The following ARPP19 variants were observed in gnomAD, a reference collection of about 807,000 sequenced individuals.
The protein encoded by ARPP19 is cAMP regulated phosphoprotein 19.
ARPP19 carries 8 observed loss-of-function variants against 12.0 expected under a neutral mutation model. The ratio of observed to expected loss-of-function variants is 0.67; its 90% CI spans 0.39 to 1.21. ARPP19 has a LOEUF of 1.21. Among genes scored for constraint, ARPP19 ranks in the 50% most tolerant of loss-of-function variants. The probability of loss-of-function intolerance (pLI) is 0.01; values close to 1 mark genes in which losing one functional copy is unlikely to be tolerated. For missense variants in ARPP19, 102 were observed against 136.3 expected (o/e 0.75, Z 1.25); for synonymous variants, 47 against 50.4 (o/e 0.93, Z 0.29).
chr15:52,558,482 A>AAAAAAAAAAAAAAAAAAAAAAAG (rs559673591), intron 1 of ARPP19, among the ~76,000 whole-genome samples: 1 of 148,976 alleles, frequency 6.7e-6, no homozygotes, highest in African/African-American at 2.5e-5. Context: ...AAAAAAAAAA[A>AAAAAAAAAAAAAAAAAAAAAAAG]AAAGAAAGAA....
intron 2 of ARPP19, among the ~76,000 whole-genome samples, chr15:52,554,352 A>T (rs2077962677): frequency 1.3e-5 from 2 of 152,188 alleles, no homozygotes; most frequent in South Asian, 4.1e-4. Flanking sequence ...AATTGCCCTA[A>T]AAAGGAAAAG....
intron 2 of ARPP19, among the ~76,000 whole-genome samples, chr15:52,553,774 T>C (rs1323840271): frequency 6.6e-6 from 1 of 152,184 alleles, no homozygotes; most frequent in African/African-American, 2.4e-5. Flanking sequence ...TAAAACAAAA[T>C]AGCTAGGAAC....
chr15:52,565,735 T>C (rs749579213), intron 1 of ARPP19, among the ~76,000 whole-genome samples: 1 of 152,264 alleles, frequency 6.6e-6, no homozygotes, highest in Non-Finnish European at 1.5e-5. Context: ...AAAAACTCCC[T>C]CAACTTTTAA....
At chr15:52,556,903 A>G in intron 2 of ARPP19, 197 bp downstream of exon 2, 2 of 478,290 alleles carry the variant, frequency 4.2e-6, no homozygotes, top group Non-Finnish European at 7.3e-6. Flanking sequence ...ATTATTAAAA[A>G]TGCTGAAGAG....
chr15:52,550,647 A>C lies in ARPP19; in HGVS notation c.*1287T>G, dbSNP rs2077921291. On this transcript the variant is annotated 3_prime_UTR_variant, in exon 3 of 3. Transcript: ENST00000249822. ...AAAAAGAGAAAGAAGTTAACAACTG[A>C]GAAATTAGAAGGAAAACGCCATTAT... 1 of 152,238 alleles carries C rather than the reference A, an allele frequency of 6.6e-6. No homozygotes were observed. Among genetic ancestry groups the C allele is most frequent in the African/African-American group, 2.4e-5 (1 of 41,428 alleles). The allele number at this position is 152,238 out of a possible 1,614,324, so 9.4% of individuals were successfully genotyped here. A position where few individuals can be genotyped will look rare whatever the true frequency, so the allele number is the denominator to read the frequency against.
intron 1 of ARPP19, among the ~76,000 whole-genome samples, chr15:52,562,540 T>C (rs1176951862): frequency 6.6e-6 from 1 of 152,124 alleles, no homozygotes; most frequent in Non-Finnish European, 1.5e-5. Context: ...TCGTGGTAGA[T>C]GCTTATATGC....
Position 52,554,619 on chromosome 15 carries a change from C to T in ARPP19, c.168+2481G>A, listed in dbSNP as rs574229228. 2.0e-5 allele frequency among the ~76,000 whole-genome samples: 3 copies of T among 152,182 alleles called. No homozygotes were observed. In the East Asian group the frequency reaches 5.8e-4, roughly 29 times the overall value. On this transcript the variant is annotated intron_variant, in intron 2 of 2. Coordinates refer to ENST00000249822, the MANE Select transcript of ARPP19 (RefSeq NM_006628.6). Reference sequence around the variant, plus strand: ...ACAAATTTATGGGCCATACTTACATCAGCATTTACAACTACACTGACACTA... The same window carrying T: ...ACAAATTTATGGGCCATACTTACATTAGCATTTACAACTACACTGACACTA...
intron 2 of ARPP19, among the ~76,000 whole-genome samples, chr15:52,553,281 A>G: frequency 6.6e-6 from 1 of 152,192 alleles, no homozygotes; most frequent in Admixed American, 6.5e-5. Flanking sequence ...ATTACTTAAA[A>G]TGCATATCCC....
chr15:52,551,844 C>G lies in ARPP19; in HGVS notation c.*90G>C, dbSNP rs1291476743. 2.5e-5 allele frequency: 24 copies of G among 955,620 alleles called. No homozygotes were observed. Among genetic ancestry groups the G allele is most frequent in the Admixed American group, 2.2e-4 (10 of 46,352 alleles). 59.2% of individuals were successfully genotyped at this position (955,620 alleles called of 1,614,324 possible). A position where few individuals can be genotyped will look rare whatever the true frequency, so the allele number is the denominator to read the frequency against. On this transcript the variant is annotated 3_prime_UTR_variant, in exon 3 of 3. Coordinates refer to ENST00000249822, the MANE Select transcript of ARPP19 (RefSeq NM_006628.6). ...CTGCAAAGCTGTCAGTCTCAAATGA[C>G]TAGTGAATGAAAGGAAATAAAAAGT...
At chr15:52,564,178 T>C (rs1026029198) in intron 1 of ARPP19, 4 of 1,524,772 alleles carry the variant, frequency 2.6e-6, no homozygotes, top group Non-Finnish European at 3.5e-6. Flanking sequence ...TAAAAACTTT[T>C]CTGAGGTTTA....
intron 2 of ARPP19, among the ~76,000 whole-genome samples, chr15:52,554,765 GAAAT>G (rs1012150821): frequency 7.9e-5 from 12 of 151,940 alleles, no homozygotes; most frequent in African/African-American, 2.7e-4. Flanking sequence ...AAAGCAAAAA[GAAAT>G]AAAAAATGTA....
rs1353057720 is a variant in ARPP19 at position 52,551,230 on chromosome 15, A to G, written c.*704T>C. On this transcript the variant is annotated 3_prime_UTR_variant, in exon 3 of 3. Transcript: ENST00000249822. ...ACTGTATTTACAAAAATGGCACAAAAGTGAATTCAACAGTTAATGCACATG... is the reference window on the plus strand; with the variant it reads ...ACTGTATTTACAAAAATGGCACAAAGGTGAATTCAACAGTTAATGCACATG... 6.5e-6 allele frequency: 1 copy of G among 152,712 alleles called. No homozygotes were observed. The highest frequency in any genetic ancestry group is 1.5e-5 in the Non-Finnish European group (1 of 68,050). 9.5% of individuals were successfully genotyped at this position (152,712 alleles called of 1,614,324 possible).
At chr15:52,567,375 T>C (rs58246435) in intron 1 of ARPP19, among the ~76,000 whole-genome samples, 20,639 of 152,214 alleles carry the variant, frequency 0.14, 1,559 homozygotes, top group African/African-American at 0.2. Flanking sequence ...CTGCATACTT[T>C]GGCAACATAC....
intron 1 of ARPP19, among the ~76,000 whole-genome samples, chr15:52,565,493 T>A (rs1372392195): frequency 6.6e-6 from 1 of 152,248 alleles, no homozygotes; most frequent in Non-Finnish European, 1.5e-5. Context: ...TTCTGGGGAA[T>A]CTGAATCACC....
chr15:52,547,260 ATTTT>A lies in ARPP19; in HGVS notation c.*4670_*4673del, dbSNP rs895931227. 1.3e-5 allele frequency: 2 copies of A among 152,226 alleles called. No individual in the cohort carries two copies. The highest frequency in any genetic ancestry group is 4.8e-5 in the African/African-American group (2 of 41,466). 9.4% of individuals were successfully genotyped at this position (152,226 alleles called of 1,614,324 possible). A position where few individuals can be genotyped will look rare whatever the true frequency, so the allele number is the denominator to read the frequency against. ...CAATAGAAATTAGGTAGATCCATTT[ATTTT>A]TTAAATACAAGTATAATTTTGGAAG... is the stretch of plus-strand genomic sequence containing the variant. On this transcript the variant is annotated 3_prime_UTR_variant, in exon 3 of 3. Transcript: ENST00000249822.
intron 1 of ARPP19, among the ~76,000 whole-genome samples, chr15:52,559,443 C>T (rs1278729646): frequency 1.3e-5 from 2 of 152,194 alleles, no homozygotes; most frequent in Non-Finnish European, 2.9e-5. Context: ...AGCTAGCACT[C>T]AACTTAAGAA....
intron 1 of ARPP19, among the ~76,000 whole-genome samples, chr15:52,561,496 T>C (rs1411016165): frequency 6.6e-6 from 1 of 152,186 alleles, no homozygotes; most frequent in Non-Finnish European, 1.5e-5. Context: ...ACCATATTTT[T>C]AGTTTAAGTG....
chr15:52,558,685 TTA>T (rs2078005276), intron 1 of ARPP19, among the ~76,000 whole-genome samples: 1 of 151,658 alleles, frequency 6.6e-6, no homozygotes. Flanking sequence ...ACCTATGTTC[TTA>T]TATAGCAAGC....
chr15:52,557,294 T>C, intron 1 of ARPP19, 72 bp from the exon 2 acceptor site: 1 of 1,288,148 alleles, frequency 7.8e-7, no homozygotes, highest in Non-Finnish European at 1.1e-6. Context: ...TTTAAAAATC[T>C]GGATTCTGAA....
Sources: gnomAD v4.1 joint callset for allele counts (sites outside exome capture counted in the v4.1 genomes callset) on GRCh38, gnomAD v4.1.1 for gene constraint, MANE v1.5 for transcripts, NCBI Gene and HGNC (gene_info 2026-07-23, HGNC 2026-07-21) for gene names.